Variants in CTNNA3 observed in about 807,000 individuals in gnomAD.
CTNNA3 encodes catenin alpha 3.
A neutral mutation model predicts 95.7 loss-of-function variants in CTNNA3; 76 were observed. The observed-to-expected ratio is 0.79, with a 90% CI of 0.66 to 0.96. CTNNA3 has a LOEUF of 0.96. CTNNA3 is among the 40% of genes least tolerant of loss of function. The pLI is 0.00. For synonymous variants in CTNNA3, 431 were observed against 374.4 expected, an observed-to-expected ratio of 1.15 and a Z score of -1.74; for missense variants, 1,191 against 1,089.8, an observed-to-expected ratio of 1.09 and a Z score of -1.31.
intron 13 of CTNNA3, among the ~76,000 whole-genome samples, chr10:66,257,349 G>C (rs561624698): frequency 7.2e-5 from 11 of 152,304 alleles, no homozygotes; most frequent in African/African-American, 2.6e-4. Context: ...AAAACCCCAA[G>C]GAGGCTGTTT....
chr10:67,601,008 C>G (rs10740279), intron 3 of CTNNA3, among the ~76,000 whole-genome samples: 46,236 of 151,958 alleles, frequency 0.3, 8,702 homozygotes, highest in East Asian at 0.67. Flanking sequence ...AGGATAGTGA[C>G]AGAGTAGTAG....
intron 7 of CTNNA3, among the ~76,000 whole-genome samples, chr10:67,094,206 C>G (rs1857830319): frequency 6.6e-6 from 1 of 151,734 alleles, no homozygotes; most frequent in Admixed American, 6.6e-5. Context: ...AATATCCCTC[C>G]CTTACAAATT....
intron 5 of CTNNA3, among the ~76,000 whole-genome samples, chr10:67,457,251 T>A (rs115135126): frequency 6.6e-6 from 1 of 152,238 alleles, no homozygotes; most frequent in African/African-American, 2.4e-5. Context: ...GAGCTGAAGA[T>A]GCTTTGCATA....
At chr10:67,271,447 T>G (rs760655343) in intron 5 of CTNNA3, among the ~76,000 whole-genome samples, 4 of 152,152 alleles carry the variant, frequency 2.6e-5, no homozygotes, top group Non-Finnish European at 4.4e-5. Context: ...CTGCCATGAT[T>G]GTAAGTTTCC....
chr10:66,470,719 T>C (rs1037124716), intron 11 of CTNNA3, among the ~76,000 whole-genome samples: 2 of 151,846 alleles, frequency 1.3e-5, no homozygotes, highest in African/African-American at 2.4e-5. Flanking sequence ...CCTATTATCA[T>C]GCAGAATGAA....
At position 67,179,465 on chromosome 10, in the gene CTNNA3, A is replaced by G. The variant is rs1042537664; in HGVS notation, c.1047+852T>C. Among the ~76,000 whole-genome samples the G allele has an allele frequency of 6.3e-5, 9 of 143,768 alleles. No individual in the cohort carries two copies. The Admixed American group carries it at 6.5e-4, about 10-fold the overall frequency. 94.3% of individuals were successfully genotyped at this position (143,768 alleles called of 152,430 possible). A position where few individuals can be genotyped will look rare whatever the true frequency, so the allele number is the denominator to read the frequency against. ...AAATATTTTTGCCCTAAATTTAGAC[A>G]TTTACAATATTTCTGATAGCTAAAA... is the stretch of plus-strand genomic sequence containing the variant. On this transcript the variant is annotated intron_variant, in intron 7 of 17. Transcript: ENST00000433211.
intron 10 of CTNNA3, among the ~76,000 whole-genome samples, chr10:66,608,252 G>C (rs569362617): frequency 1.3e-5 from 2 of 151,920 alleles, no homozygotes; most frequent in African/African-American, 4.8e-5. Context: ...GAGGTGAAAG[G>C]TCTCTACAAT....
intron 13 of CTNNA3, among the ~76,000 whole-genome samples, chr10:66,278,405 C>T (rs549314705): frequency 1.2e-3 from 182 of 151,596 alleles, no homozygotes; most frequent in African/African-American, 4.1e-3. Flanking sequence ...GTGAAGAACA[C>T]AAAATACTAA....
chr10:66,500,408 T>C (rs1281967305), intron 11 of CTNNA3, among the ~76,000 whole-genome samples: 1 of 152,148 alleles, frequency 6.6e-6, no homozygotes, highest in Non-Finnish European at 1.5e-5. Context: ...TCCATGGTAG[T>C]TTTACATACT....
chr10:67,207,136 C>T (rs1434245738), intron 6 of CTNNA3, among the ~76,000 whole-genome samples: 1 of 151,864 alleles, frequency 6.6e-6, no homozygotes, highest in African/African-American at 2.4e-5. Context: ...CATCTCATAA[C>T]AAAACAAAAC....
chr10:67,034,639 G>A (rs546206125), intron 7 of CTNNA3, among the ~76,000 whole-genome samples: 8 of 152,196 alleles, frequency 5.3e-5, no homozygotes, highest in East Asian at 3.9e-4. Context: ...AAGAATGGCC[G>A]TGTGTTCTGT....
rs974345142 is a variant in CTNNA3 at position 66,539,736 on chromosome 10, A to T, written c.1375-18963T>A. On this transcript the variant is annotated intron_variant, in intron 10 of 17. Coordinates refer to ENST00000433211, the MANE Select transcript of CTNNA3 (RefSeq NM_013266.4). ...ATTCTCCTTTTTGCATAAGAAGTTT[A>T]GGGTTCCTGAGATTTTAAATTTTTT... Among the ~76,000 whole-genome samples the T allele has an allele frequency of 3.9e-5, 6 of 152,080 alleles. No homozygotes were observed. The South Asian group carries it at 1.0e-3, about 26-fold the overall frequency.
At chr10:67,109,704 G>A (rs1032630684) in intron 7 of CTNNA3, among the ~76,000 whole-genome samples, 4 of 152,102 alleles carry the variant, frequency 2.6e-5, no homozygotes, top group Non-Finnish European at 2.9e-5. Context: ...TTGGCTGGGC[G>A]CAGTGGCCTG....
chr10:67,488,114 TG>T (rs1350661418), intron 5 of CTNNA3, among the ~76,000 whole-genome samples: 1 of 152,026 alleles, frequency 6.6e-6, no homozygotes, highest in East Asian at 1.9e-4. Context: ...TGGAGGTTCT[TG>T]GGCAACAAGG....
At chr10:66,942,978 C>T (rs1307180017) in intron 7 of CTNNA3, among the ~76,000 whole-genome samples, 2 of 152,290 alleles carry the variant, frequency 1.3e-5, no homozygotes, top group East Asian at 3.9e-4. Context: ...CATAGGTTGA[C>T]TTTTCTTTCT....
At chr10:67,428,049 A>G (rs1845981527) in intron 5 of CTNNA3, among the ~76,000 whole-genome samples, 1 of 152,138 alleles carries the variant, frequency 6.6e-6, no homozygotes, top group African/African-American at 2.4e-5. Context: ...TCTTTTGAGA[A>G]CAAGGGTTAA....
intron 10 of CTNNA3, among the ~76,000 whole-genome samples, chr10:66,588,511 C>T (rs1017004738): frequency 2.6e-5 from 4 of 152,114 alleles, no homozygotes; most frequent in Non-Finnish European, 4.4e-5. Flanking sequence ...TCTTAAAACA[C>T]CTGCAACTTA....
chr10:66,398,836 T>C (rs1404083581), intron 11 of CTNNA3, among the ~76,000 whole-genome samples: 2 of 151,994 alleles, frequency 1.3e-5, no homozygotes, highest in African/African-American at 4.8e-5. Context: ...TGTCAGACCA[T>C]CTAATCAAAC....
At chr10:66,972,404 C>T (rs1849772501) in intron 7 of CTNNA3, among the ~76,000 whole-genome samples, 1 of 152,162 alleles carries the variant, frequency 6.6e-6, no homozygotes, top group Non-Finnish European at 1.5e-5. Flanking sequence ...AGTCCTCCTG[C>T]CTCAGCCTCC....
Sources: gnomAD v4.1 joint callset for allele counts (sites outside exome capture counted in the v4.1 genomes callset) on GRCh38, gnomAD v4.1.1 for gene constraint, MANE v1.5 for transcripts, NCBI Gene and HGNC (gene_info 2026-07-23, HGNC 2026-07-21) for gene names.